The following AGO3 variants were observed in gnomAD, a reference collection of about 807,000 sequenced individuals.
The protein encoded by AGO3 is protein argonaute-3.
A neutral mutation model predicts 105.5 loss-of-function variants in AGO3; 16 were observed. The ratio of observed to expected loss-of-function variants is 0.15; its 90% CI spans 0.10 to 0.23. AGO3 has a LOEUF of 0.23. AGO3 is among the 10% of genes least tolerant of loss of function. AGO3 has a pLI of 1.00. For missense variants in AGO3, 534 were observed against 1,088.0 expected (o/e 0.49, Z 7.16); for synonymous variants, 340 against 367.3 (o/e 0.93, Z 0.85).
chr1:36,012,718 G>A (rs1441849710), intron 9 of AGO3, among the ~76,000 whole-genome samples: 1 of 151,878 alleles, frequency 6.6e-6, no homozygotes, highest in Non-Finnish European at 1.5e-5. Flanking sequence ...CCTCTTTTTA[G>A]GTGAGATATT....
chr1:35,947,022 A>G (rs1368318890), intron 2 of AGO3, among the ~76,000 whole-genome samples: 1 of 152,218 alleles, frequency 6.6e-6, no homozygotes, highest in Non-Finnish European at 1.5e-5. Flanking sequence ...ATTAGGAAGT[A>G]TTTTGTAAAG....
At position 36,062,162 on chromosome 1, in the gene AGO3, T is replaced by A. The variant is rs1643034308; in HGVS notation, c.*6417T>A. 1.4e-5 allele frequency: 2 copies of A among 147,834 alleles called. No individual in the cohort carries two copies. The highest frequency in any genetic ancestry group is 1.3e-4 in the Admixed American group (2 of 14,866). The allele number at this position is 147,834 out of a possible 1,614,324, so 9.2% of individuals were successfully genotyped here. ...TAGGCAACATTTTCTAATTAATCTT[T>A]TTTTTTTTTTTTTTTTTTGAGACAA... On this transcript the variant is annotated 3_prime_UTR_variant, in exon 19 of 19. Coordinates refer to ENST00000373191, the MANE Select transcript of AGO3 (RefSeq NM_024852.4).
intron 2 of AGO3, among the ~76,000 whole-genome samples, chr1:35,949,288 C>T (rs958203951): frequency 1.3e-5 from 2 of 152,206 alleles, no homozygotes; most frequent in Non-Finnish European, 2.9e-5. Flanking sequence ...TTCTAAAAAT[C>T]ATATAAATCA....
chr1:36,011,006 C>T (rs1640586826), intron 9 of AGO3, among the ~76,000 whole-genome samples: 1 of 151,860 alleles, frequency 6.6e-6, no homozygotes, highest in Admixed American at 6.6e-5. Flanking sequence ...TAGCTTTAAC[C>T]ACGTAAGGTC....
Position 35,973,458 on chromosome 1 carries a change from G to T in AGO3, c.605G>T (p.Gly202Val). Residue 202 changes from glycine to valine, a missense_variant, in exon 5 of 19, where the codon GGA (glycine) becomes GTA (valine). By Grantham distance (109) the Gly-to-Val change is moderately radical. This residue lies in a region of AGO3 where 373 missense variants were observed against 854.0 expected (regional missense o/e 0.44). Transcript: ENST00000373191. Reference protein sequence around the residue: ...PLGGGREVWFGFHQSVRPAMW... With the variant: ...PLGGGREVWFVFHQSVRPAMW... ...GGAGGGGGCAGGGAAGTGTGGTTTG[G>T]ATTCCATCAGTCTGTTCGGCCTGCC... is the stretch of plus-strand genomic sequence containing the variant. 1 of 1,595,282 alleles carries T rather than the reference G, an allele frequency of 6.3e-7. No homozygotes were observed. The highest frequency in any genetic ancestry group is 8.6e-7 in the Non-Finnish European group (1 of 1,168,294).
At chr1:35,960,782 G>A (rs529463891) in intron 2 of AGO3, among the ~76,000 whole-genome samples, 2 of 152,184 alleles carry the variant, frequency 1.3e-5, no homozygotes, top group African/African-American at 4.8e-5. Flanking sequence ...AAACTGTCAA[G>A]TGGAAAAATT....
intron 14 of AGO3, among the ~76,000 whole-genome samples, chr1:36,038,038 T>TA (rs563631117): frequency 3.6e-4 from 55 of 152,248 alleles, no homozygotes; most frequent in African/African-American, 1.2e-3. Flanking sequence ...TCCAAGAACT[T>TA]AGAGAGTAGT....
chr1:36,054,389 C>G (rs911408831), intron 17 of AGO3, among the ~76,000 whole-genome samples: 4 of 151,992 alleles, frequency 2.6e-5, no homozygotes, highest in African/African-American at 9.7e-5. Context: ...CTGCCTGCCT[C>G]AGCCTCCCAA....
intron 5 of AGO3, among the ~76,000 whole-genome samples, chr1:35,979,576 CAGACT>C (rs1437850565): frequency 2.6e-5 from 4 of 152,094 alleles, no homozygotes; most frequent in Non-Finnish European, 5.9e-5. Context: ...TTTGTTCTCT[CAGACT>C]AGGATAAATA....
intron 2 of AGO3, among the ~76,000 whole-genome samples, chr1:35,946,518 T>A (rs959341060): frequency 2.0e-5 from 3 of 152,188 alleles, no homozygotes; most frequent in Admixed American, 6.5e-5. Flanking sequence ...CAACACATTT[T>A]AAAAAAATGT....
At chr1:36,053,400 C>T (rs1343136540) in intron 17 of AGO3, among the ~76,000 whole-genome samples, 4 of 151,978 alleles carry the variant, frequency 2.6e-5, no homozygotes, top group Non-Finnish European at 5.9e-5. Flanking sequence ...CCTGCCTCAC[C>T]CTCCCAAGTA....
chr1:36,046,484 G>A (rs562851569), intron 17 of AGO3, among the ~76,000 whole-genome samples: 1 of 152,010 alleles, frequency 6.6e-6, no homozygotes, highest in South Asian at 2.1e-4. Flanking sequence ...CTGAGGTCAG[G>A]AGTTTGAGAA....
chr1:36,048,449 A>G (rs1045421071), intron 17 of AGO3, among the ~76,000 whole-genome samples: 3 of 152,344 alleles, frequency 2.0e-5, no homozygotes, highest in Non-Finnish European at 4.4e-5. Flanking sequence ...CAAAAAGTCA[A>G]TAATCATTAT....
Position 36,069,969 on chromosome 1 carries a change from A to C in AGO3, c.*14224A>C, listed in dbSNP as rs575160555. 6 of 152,230 alleles carry C rather than the reference A, an allele frequency of 3.9e-5. No individual in the cohort carries two copies. The highest frequency in any genetic ancestry group is 7.3e-5 in the Non-Finnish European group (5 of 68,062). 9.4% of individuals were successfully genotyped at this position (152,230 alleles called of 1,614,324 possible). A position where few individuals can be genotyped will look rare whatever the true frequency, so the allele number is the denominator to read the frequency against. ...CTACTCGGGAGGCTAAGGTGGGAGA[A>C]TTGCTTGGACCCAGGTGGCAGAGGT... On this transcript the variant is annotated 3_prime_UTR_variant, in exon 19 of 19. Coordinates refer to ENST00000373191, the MANE Select transcript of AGO3 (RefSeq NM_024852.4).
intron 17 of AGO3, among the ~76,000 whole-genome samples, chr1:36,047,837 C>G (rs1261673053): frequency 6.6e-6 from 1 of 151,930 alleles, no homozygotes; most frequent in South Asian, 2.1e-4. Context: ...TGAGATCACA[C>G]CACTACACTC....
At chr1:36,007,703 AC>A (rs1640404219) in intron 6 of AGO3, among the ~76,000 whole-genome samples, 1 of 151,938 alleles carries the variant, frequency 6.6e-6, no homozygotes, top group South Asian at 2.1e-4. Flanking sequence ...AAAAAAAAAA[AC>A]CTAAATAAAA....
intron 11 of AGO3, among the ~76,000 whole-genome samples, chr1:36,015,826 A>G (rs1474587861): frequency 6.6e-6 from 1 of 152,188 alleles, no homozygotes; most frequent in Non-Finnish European, 1.5e-5. Flanking sequence ...TTCAATGTTC[A>G]CCTTTGTAAA....
At chr1:36,024,331 C>A (rs1348191241) in intron 11 of AGO3, among the ~76,000 whole-genome samples, 2 of 151,920 alleles carry the variant, frequency 1.3e-5, no homozygotes, top group Non-Finnish European at 2.9e-5. Context: ...TAGATAGGAT[C>A]TCACTATGTT....
rs1182557476 is a variant in AGO3, at chr1:36,068,786, T to C, written c.*13041T>C. 6.6e-6 allele frequency: 1 copy of C among 152,236 alleles called. No individual in the cohort carries two copies. The highest frequency in any genetic ancestry group is 2.4e-5 in the African/African-American group (1 of 41,450). 9.4% of individuals were successfully genotyped at this position (152,236 alleles called of 1,614,324 possible). On this transcript the variant is annotated 3_prime_UTR_variant, in exon 19 of 19. Transcript: ENST00000373191. ...TTATGTCTCACATCTGCCTTCTTGA[T>C]ATGTGCAAAATATTGTGTAAAAATA... is the stretch of plus-strand genomic sequence containing the variant.
Sources: gnomAD v4.1 joint callset for allele counts (sites outside exome capture counted in the v4.1 genomes callset) on GRCh38, gnomAD v4.1.1 for gene constraint, gnomAD v4.1.1 regional missense constraint, MANE v1.5 for transcripts, NCBI Gene and HGNC (gene_info 2026-07-23, HGNC 2026-07-21) for gene names.